The following CRIM1 variants were observed in gnomAD, a reference collection of about 807,000 sequenced individuals.
The protein encoded by CRIM1 is cysteine-rich motor neuron 1 protein.
CRIM1 carries 32 observed loss-of-function variants against 116.4 expected under a neutral mutation model. That is an observed-to-expected ratio of 0.27 (90% CI 0.21 to 0.37). The LOEUF (loss-of-function observed/expected upper bound fraction) is 0.37. Ranked by LOEUF, CRIM1 falls within the 10% of genes least tolerant of loss-of-function variation. CRIM1 has a pLI of 1.00. For missense variants in CRIM1, 1,331 were observed against 1,354.8 expected, an observed-to-expected ratio of 0.98 and a Z score of 0.28; for synonymous variants, 590 against 509.2, an observed-to-expected ratio of 1.16 and a Z score of -2.13.
chr2:36,446,431 C>T (rs1214996716), intron 4 of CRIM1, among the ~76,000 whole-genome samples: 1 of 152,188 alleles, frequency 6.6e-6, no homozygotes, highest in African/African-American at 2.4e-5. Context: ...GTTTCACTTT[C>T]CACTTCTATC....
chr2:36,528,474 T>C (rs182896869), intron 13 of CRIM1, among the ~76,000 whole-genome samples: 8 of 152,234 alleles, frequency 5.3e-5, no homozygotes, highest in African/African-American at 9.6e-5. Context: ...AGTGAGAAAA[T>C]AGGGCTCATT....
At chr2:36,420,125 T>C (rs1332024864) in intron 2 of CRIM1, among the ~76,000 whole-genome samples, 2 of 152,218 alleles carry the variant, frequency 1.3e-5, no homozygotes, top group East Asian at 1.9e-4. Context: ...TCTTCTGATA[T>C]CTTCTCTTTG....
intron 2 of CRIM1, among the ~76,000 whole-genome samples, chr2:36,433,598 A>G (rs1572718727): frequency 6.6e-6 from 1 of 152,194 alleles, no homozygotes; most frequent in East Asian, 1.9e-4. Flanking sequence ...CCTGGGAGCT[A>G]TTTAAACAAG....
chr2:36,372,405 C>CG (rs1670003934), intron 1 of CRIM1, among the ~76,000 whole-genome samples: 1 of 151,962 alleles, frequency 6.6e-6, no homozygotes, highest in African/African-American at 2.4e-5. Flanking sequence ...GTTATAAGTT[C>CG]TTTGTTTGTT....
At chr2:36,515,099 G>A (rs781248309) in intron 11 of CRIM1, among the ~76,000 whole-genome samples, 1 of 152,148 alleles carries the variant, frequency 6.6e-6, no homozygotes, top group Non-Finnish European at 1.5e-5. Flanking sequence ...TTGACTCTTT[G>A]GGGAGGGAAA....
At chr2:36,524,430 C>T (rs1196304862) in intron 13 of CRIM1, among the ~76,000 whole-genome samples, 4 of 152,020 alleles carry the variant, frequency 2.6e-5, no homozygotes, top group Non-Finnish European at 5.9e-5. Context: ...AGTTATATAT[C>T]AAAACTTTTT....
intron 1 of CRIM1, among the ~76,000 whole-genome samples, chr2:36,376,480 G>A (rs941835348): frequency 6.6e-6 from 1 of 152,224 alleles, no homozygotes; most frequent in African/African-American, 2.4e-5. Context: ...TGAGCGGGAG[G>A]AGGAGAGGCT....
At chr2:36,377,606 C>A (rs1476483371) in intron 1 of CRIM1, among the ~76,000 whole-genome samples, 1 of 152,148 alleles carries the variant, frequency 6.6e-6, no homozygotes, top group Non-Finnish European at 1.5e-5. Flanking sequence ...CTTAAGTTAA[C>A]TCATTCATGT....
chr2:36,431,587 G>A (rs1674894544), intron 2 of CRIM1, among the ~76,000 whole-genome samples: 1 of 152,176 alleles, frequency 6.6e-6, no homozygotes, highest in Admixed American at 6.5e-5. Context: ...AATCACGTAA[G>A]ATCACACTTT....
chr2:36,517,980 G>A (rs189271343), intron 12 of CRIM1, among the ~76,000 whole-genome samples: 6 of 152,282 alleles, frequency 3.9e-5, no homozygotes, highest in Admixed American at 2.0e-4. Flanking sequence ...ATATAAGGGT[G>A]GCGAAGAGAC....
chr2:36,445,669 G>GTTT (rs1676184437), intron 4 of CRIM1, among the ~76,000 whole-genome samples: 1 of 152,142 alleles, frequency 6.6e-6, no homozygotes, highest in Non-Finnish European at 1.5e-5. Context: ...CTGTGGCTTA[G>GTTT]ACCCATTCAG....
At chr2:36,526,139 T>C (rs1665742369) in intron 13 of CRIM1, among the ~76,000 whole-genome samples, 1 of 152,216 alleles carries the variant, frequency 6.6e-6, no homozygotes, top group Non-Finnish European at 1.5e-5. Flanking sequence ...AACTAAGTAG[T>C]AATTACCCAT....
chr2:36,538,668 C>T (rs1666726902), intron 14 of CRIM1, among the ~76,000 whole-genome samples: 2 of 152,176 alleles, frequency 1.3e-5, no homozygotes, highest in South Asian at 4.1e-4. Context: ...GTCCATTTAT[C>T]TCCTAAAAAG....
At chr2:36,385,191 C>T (rs1159133) in intron 1 of CRIM1, among the ~76,000 whole-genome samples, 110,150 of 152,020 alleles carry the variant, frequency 0.72, 40,555 homozygotes, top group East Asian at 0.99. Flanking sequence ...GTAGTATAAT[C>T]GTTGGAATTT....
intron 2 of CRIM1, among the ~76,000 whole-genome samples, chr2:36,411,842 C>T (rs1170550493): frequency 2.0e-5 from 3 of 152,036 alleles, no homozygotes; most frequent in Non-Finnish European, 4.4e-5. Flanking sequence ...TTCTAAGAAT[C>T]GATGTAATAT....
At chr2:36,513,131 A>C (rs1228390367) in intron 10 of CRIM1, 2 of 201,062 alleles carry the variant, frequency 9.9e-6, no homozygotes, top group African/African-American at 2.4e-5. Context: ...ACAAAAATCT[A>C]GTCACTGCTT....
rs776257348 is a variant in CRIM1 at position 36,548,676 on chromosome 2, C to G, written c.3086C>G (p.Ala1029Gly). 1 of 1,597,462 alleles carries G rather than the reference C, an allele frequency of 6.3e-7. No homozygotes were observed. Among genetic ancestry groups the G allele is most frequent in the Non-Finnish European group, 8.5e-7 (1 of 1,175,076 alleles). Residue 1029 changes from alanine to glycine, a missense_variant, in exon 17 of 17, where the codon GCA (alanine) becomes GGA (glycine). This residue lies in a region of CRIM1 where 283 missense variants were observed against 242.8 expected (regional missense o/e 1.17). Coordinates refer to ENST00000280527, the MANE Select transcript of CRIM1 (RefSeq NM_016441.3). ...ATGCAAAAACAGAACCATCTACAGGCAGACAATTTCTACCAAACAGTGTGA... is the reference window on the plus strand; with the variant it reads ...ATGCAAAAACAGAACCATCTACAGGGAGACAATTTCTACCAAACAGTGTGA... Reference protein sequence around the residue: ...YSMQKQNHLQADNFYQTV With the variant: ...YSMQKQNHLQGDNFYQTV
chr2:36,410,212 G>A (rs76830849), intron 2 of CRIM1, among the ~76,000 whole-genome samples: 2,222 of 152,146 alleles, frequency 0.015, 54 homozygotes, highest in African/African-American at 0.048. Flanking sequence ...TTTTGTTTCT[G>A]GTTGACAACT....
chr2:36,547,274 A>C, intron 16 of CRIM1, 103 bp downstream of exon 16: 1 of 909,450 alleles, frequency 1.1e-6, no homozygotes. Context: ...TGAAGTTTTT[A>C]CTTTGCTCTT....
Sources: gnomAD v4.1 joint callset for allele counts (sites outside exome capture counted in the v4.1 genomes callset) on GRCh38, gnomAD v4.1.1 for gene constraint, gnomAD v4.1.1 regional missense constraint, MANE v1.5 for transcripts, NCBI Gene and HGNC (gene_info 2026-07-23, HGNC 2026-07-21) for gene names.